The following FNDC3B variants were observed in gnomAD, a reference collection of about 807,000 sequenced individuals.
The protein encoded by FNDC3B is fibronectin type III domain-containing protein 3B.
In FNDC3B, 12 loss-of-function variants were observed where a neutral mutation model predicts 151.5. The observed-to-expected ratio is 0.08, with a 90% confidence interval of 0.05 to 0.13. The LOEUF (loss-of-function observed/expected upper bound fraction) is 0.13. Ranked by LOEUF, FNDC3B falls within the 10% of genes least tolerant of loss-of-function variation. The pLI is 1.00. For missense variants in FNDC3B, 1,214 were observed against 1,505.3 expected, an observed-to-expected ratio of 0.81 and a Z score of 3.20; for synonymous variants, 528 against 549.0, an observed-to-expected ratio of 0.96 and a Z score of 0.54.
intron 3 of FNDC3B, among the ~76,000 whole-genome samples, chr3:172,194,245 T>C (rs1345245255): frequency 2.6e-5 from 4 of 151,852 alleles, no homozygotes; most frequent in Non-Finnish European, 5.9e-5. Context: ...ATTATCTTAG[T>C]GGTTATACTG....
At chr3:172,154,204 G>A (rs1722368395) in intron 3 of FNDC3B, among the ~76,000 whole-genome samples, 1 of 152,054 alleles carries the variant, frequency 6.6e-6, no homozygotes, top group African/African-American at 2.4e-5. Flanking sequence ...ATTGTAATCT[G>A]ATCGAGACCG....
intron 3 of FNDC3B, among the ~76,000 whole-genome samples, chr3:172,178,738 T>C (rs1488283377): frequency 6.6e-6 from 1 of 152,132 alleles, no homozygotes; most frequent in Non-Finnish European, 1.5e-5. Context: ...GTAAAGGTGA[T>C]AAAAGTGCAA....
At chr3:172,111,094 A>AT (rs1209457093) in intron 1 of FNDC3B, among the ~76,000 whole-genome samples, 2 of 139,358 alleles carry the variant, frequency 1.4e-5, no homozygotes, top group Non-Finnish European at 1.5e-5. Context: ...GTGAGACTCC[A>AT]TTAAAAAAAA....
intron 3 of FNDC3B, among the ~76,000 whole-genome samples, chr3:172,166,290 A>G (rs1426852488): frequency 6.6e-6 from 1 of 152,180 alleles, no homozygotes; most frequent in African/African-American, 2.4e-5. Flanking sequence ...TTCCTCAATC[A>G]GTATCTGCCA....
chr3:172,266,884 A>G (rs1056071499), intron 6 of FNDC3B, among the ~76,000 whole-genome samples: 10 of 152,146 alleles, frequency 6.6e-5, no homozygotes, highest in Non-Finnish European at 1.5e-4. Flanking sequence ...AACATTCACA[A>G]CCACCACAGT....
At chr3:172,334,567 C>T (rs1256380029) in intron 14 of FNDC3B, among the ~76,000 whole-genome samples, 5 of 152,124 alleles carry the variant, frequency 3.3e-5, no homozygotes, top group Non-Finnish European at 7.4e-5. Context: ...CTCAGCCTCC[C>T]GAGTAGCTGG....
chr3:172,328,653 G>A (rs1387563240), intron 11 of FNDC3B, among the ~76,000 whole-genome samples: 1 of 152,180 alleles, frequency 6.6e-6, no homozygotes, highest in Non-Finnish European at 1.5e-5. Flanking sequence ...CTGGAGCATC[G>A]TCTTGTGCCT....
intron 3 of FNDC3B, among the ~76,000 whole-genome samples, chr3:172,187,928 T>C (rs1724279589): frequency 6.6e-6 from 1 of 152,168 alleles, no homozygotes; most frequent in Non-Finnish European, 1.5e-5. Flanking sequence ...TGTATTATTA[T>C]TAATTATAAT....
intron 1 of FNDC3B, among the ~76,000 whole-genome samples, chr3:172,046,228 A>G (rs1716362097): frequency 6.6e-6 from 1 of 152,214 alleles, no homozygotes; most frequent in African/African-American, 2.4e-5. Flanking sequence ...GTTTCTCCCC[A>G]GTTAAGATAT....
intron 2 of FNDC3B, among the ~76,000 whole-genome samples, chr3:172,114,353 G>C (rs1720138897): frequency 6.6e-6 from 1 of 152,132 alleles, no homozygotes; most frequent in Non-Finnish European, 1.5e-5. Context: ...AGTCAAATGT[G>C]AGTAAACTTG....
chr3:172,361,165 G>T (rs1383518902), intron 22 of FNDC3B, among the ~76,000 whole-genome samples: 2 of 152,144 alleles, frequency 1.3e-5, no homozygotes, highest in African/African-American at 4.8e-5. Context: ...CCATTATCCT[G>T]AATATTAGTA....
chr3:172,192,673 C>T (rs892454133), intron 3 of FNDC3B, among the ~76,000 whole-genome samples: 1 of 151,960 alleles, frequency 6.6e-6, no homozygotes, highest in Non-Finnish European at 1.5e-5. Context: ...TGTGTTTATT[C>T]TATAAATGTC....
chr3:172,232,284 C>G (rs1459602193), intron 4 of FNDC3B, among the ~76,000 whole-genome samples: 1 of 152,128 alleles, frequency 6.6e-6, no homozygotes, highest in Admixed American at 6.6e-5. Flanking sequence ...TTGATTATAG[C>G]AGATTTGTTG....
intron 3 of FNDC3B, among the ~76,000 whole-genome samples, chr3:172,200,882 A>G (rs939758377): frequency 4.6e-5 from 7 of 152,218 alleles, no homozygotes; most frequent in African/African-American, 1.7e-4. Flanking sequence ...GAGGGGAAAG[A>G]GAATTTGAAG....
At chr3:172,233,626 C>T (rs1041261094) in intron 4 of FNDC3B, among the ~76,000 whole-genome samples, 12 of 152,198 alleles carry the variant, frequency 7.9e-5, no homozygotes, top group African/African-American at 2.7e-4. Context: ...AGACATTAGC[C>T]TCAACTGCTT....
chr3:172,204,929 G>A (rs1725345946), intron 3 of FNDC3B, among the ~76,000 whole-genome samples: 1 of 152,214 alleles, frequency 6.6e-6, no homozygotes, highest in Admixed American at 6.5e-5. Context: ...ATTCTGGTCT[G>A]TGTTGCTTAT....
At chr3:172,080,706 TC>T (rs924009999) in intron 1 of FNDC3B, among the ~76,000 whole-genome samples, 3 of 152,184 alleles carry the variant, frequency 2.0e-5, no homozygotes, top group Non-Finnish European at 4.4e-5. Flanking sequence ...CTGATGTGTG[TC>T]CATCATGGGT....
At chr3:172,285,869 A>G in intron 6 of FNDC3B, 57 bp from the exon 7 acceptor site, 1 of 1,357,866 alleles carries the variant, frequency 7.4e-7, no homozygotes, top group Non-Finnish European at 1.0e-6. Flanking sequence ...AAGGAACTTG[A>G]CAACCTTACT....
intron 13 of FNDC3B, among the ~76,000 whole-genome samples, chr3:172,332,867 C>A (rs1324291283): frequency 2.6e-5 from 4 of 152,142 alleles, no homozygotes; most frequent in African/African-American, 9.7e-5. Context: ...TTTGACCAGA[C>A]CCAGGAGAAA....
Sources: gnomAD v4.1 joint callset for allele counts (sites outside exome capture counted in the v4.1 genomes callset) on GRCh38, gnomAD v4.1.1 for gene constraint, MANE v1.5 for transcripts, NCBI Gene and HGNC (gene_info 2026-07-23, HGNC 2026-07-21) for gene names.